The following CSMD1 variants were observed in gnomAD, a reference collection of about 807,000 sequenced individuals.
CSMD1 encodes the protein CUB and sushi domain-containing protein 1.
A neutral mutation model predicts 417.5 loss-of-function variants in CSMD1; 213 were observed. The observed-to-expected ratio is 0.51, with a 90% CI of 0.46 to 0.57. The LOEUF (loss-of-function observed/expected upper bound fraction) is 0.57, where lower values mean the gene tolerates loss of function less well. Among genes scored for constraint, CSMD1 ranks in the 20% least tolerant of loss-of-function variants. The probability of loss-of-function intolerance (pLI) is 0.00; values close to 1 mark genes in which losing one functional copy is unlikely to be tolerated. For missense variants in CSMD1, 6,923 were observed against 4,529.7 expected (o/e 1.53, Z -15.17); for synonymous variants, 2,862 against 1,736.8 (o/e 1.65, Z -16.11).
At chr8:3,557,377 A>G (rs1293303924) in intron 10 of CSMD1, among the ~76,000 whole-genome samples, 2 of 152,166 alleles carry the variant, frequency 1.3e-5, no homozygotes, top group Admixed American at 6.5e-5. Flanking sequence ...CATTATTACT[A>G]TCATTTATTC....
At chr8:4,854,621 G>A (rs976269506) in intron 1 of CSMD1, among the ~76,000 whole-genome samples, 5 of 152,170 alleles carry the variant, frequency 3.3e-5, no homozygotes, top group Non-Finnish European at 7.3e-5. Flanking sequence ...GGGTCAGGGA[G>A]TTCCCTTTCT....
chr8:4,383,648 G>A (rs947426152), intron 3 of CSMD1, among the ~76,000 whole-genome samples: 1 of 152,140 alleles, frequency 6.6e-6, no homozygotes, highest in Non-Finnish European at 1.5e-5. Flanking sequence ...GTACTTCAGT[G>A]TTCAGAGAAA....
intron 7 of CSMD1, among the ~76,000 whole-genome samples, chr8:3,681,850 C>T (rs1015357038): frequency 9.2e-5 from 14 of 152,056 alleles, no homozygotes; most frequent in Admixed American, 7.2e-4. Context: ...GAGATATAGA[C>T]CAATGGAACA....
At chr8:3,854,838 G>A (rs1804183066) in intron 5 of CSMD1, among the ~76,000 whole-genome samples, 1 of 151,850 alleles carries the variant, frequency 6.6e-6, no homozygotes, top group African/African-American at 2.4e-5. Flanking sequence ...ACAAAAACAG[G>A]GAATTGTTAA....
At chr8:3,533,596 A>C (rs1397437517) in intron 10 of CSMD1, among the ~76,000 whole-genome samples, 8 of 152,178 alleles carry the variant, frequency 5.3e-5, no homozygotes, top group African/African-American at 1.9e-4. Context: ...ATCTCAGGGA[A>C]GCCCTTGCTT....
At chr8:4,854,958 G>T (rs1350262698) in intron 1 of CSMD1, among the ~76,000 whole-genome samples, 1 of 152,206 alleles carries the variant, frequency 6.6e-6, no homozygotes, top group African/African-American at 2.4e-5. Context: ...ACCTCTGGGG[G>T]CAGGGCACAG....
At chr8:3,407,173 G>GGACA (rs1812396784) in intron 14 of CSMD1, among the ~76,000 whole-genome samples, 3 of 78,764 alleles carry the variant, frequency 3.8e-5, no homozygotes, top group Admixed American at 2.4e-4. Flanking sequence ...ATGGAAGGAT[G>GGACA]GATAATGGAA....
intron 3 of CSMD1, among the ~76,000 whole-genome samples, chr8:4,094,420 C>G (rs768914967): frequency 1.3e-5 from 2 of 152,010 alleles, no homozygotes; most frequent in African/African-American, 2.4e-5. Context: ...GCAGGGCGGT[C>G]AGGTGTGTGG....
chr8:3,776,337 G>C (rs1396481143), intron 5 of CSMD1, among the ~76,000 whole-genome samples: 1 of 152,088 alleles, frequency 6.6e-6, no homozygotes, highest in African/African-American at 2.4e-5. Context: ...GCACCTTGAA[G>C]CGACACTCTC....
intron 3 of CSMD1, among the ~76,000 whole-genome samples, chr8:4,282,750 G>A (rs1796857074): frequency 6.6e-6 from 1 of 152,108 alleles, no homozygotes; most frequent in Non-Finnish European, 1.5e-5. Flanking sequence ...GCAATAGTAT[G>A]TTTAAATGGT....
intron 5 of CSMD1, among the ~76,000 whole-genome samples, chr8:3,757,642 C>A (rs1340571015): frequency 6.6e-6 from 1 of 152,006 alleles, no homozygotes; most frequent in Non-Finnish European, 1.5e-5. Flanking sequence ...GTGGGTGGAT[C>A]ACCTGAGGTC....
chr8:4,008,214 G>T lies in CSMD1; in HGVS notation c.611-10104C>A, dbSNP rs193062599. On this transcript the variant is annotated intron_variant, in intron 4 of 69. Transcript: ENST00000635120. ...AGGGCAGCTGGAAAAATTAGTTCAA[G>T]TTCCATCAAGTTCAAGTTTAACTTA... 6.9e-3 allele frequency among the ~76,000 whole-genome samples: 1,048 copies of T among 152,062 alleles called. 7 individuals carry two copies. The highest frequency in any genetic ancestry group is 1.0e-2 in the Non-Finnish European group (678 of 68,012).
At chr8:2,979,638 G>C (rs987075795) in intron 54 of CSMD1, among the ~76,000 whole-genome samples, 5 of 152,190 alleles carry the variant, frequency 3.3e-5, no homozygotes, top group African/African-American at 1.2e-4. Context: ...CACATCATGA[G>C]TCCCAGAAGC....
At chr8:3,686,047 T>C (rs1204836260) in intron 7 of CSMD1, among the ~76,000 whole-genome samples, 2 of 152,104 alleles carry the variant, frequency 1.3e-5, no homozygotes, top group African/African-American at 4.8e-5. Flanking sequence ...CAATGCTCCT[T>C]GCCCCCACCC....
In CSMD1 at chr8:2,938,318, G is replaced by C. The variant is rs1801635180; in HGVS notation, c.*267C>G. The C allele has an allele frequency of 2.6e-6, 1 of 390,900 alleles. No homozygotes were observed. Among genetic ancestry groups the C allele is most frequent in the Non-Finnish European group, 4.5e-6 (1 of 220,238 alleles). 24.2% of individuals were successfully genotyped at this position (390,900 alleles called of 1,614,324 possible). ...TATGACGTGTTGGCGCGACGTGGCAGTCTTCCTGGAGTGTGCCTTGATTTC... is the reference window on the plus strand; with the variant it reads ...TATGACGTGTTGGCGCGACGTGGCACTCTTCCTGGAGTGTGCCTTGATTTC... On this transcript the variant is annotated 3_prime_UTR_variant, in exon 70 of 70. Coordinates refer to ENST00000635120, the MANE Select transcript of CSMD1 (RefSeq NM_033225.6).
chr8:3,750,561 T>C (rs961888742), intron 6 of CSMD1, among the ~76,000 whole-genome samples: 1 of 152,208 alleles, frequency 6.6e-6, no homozygotes, highest in Non-Finnish European at 1.5e-5. Flanking sequence ...CCTTCTTTAA[T>C]GTATTTAGTT....
At chr8:3,567,404 C>T (rs1482185046) in intron 10 of CSMD1, among the ~76,000 whole-genome samples, 9 of 150,782 alleles carry the variant, frequency 6.0e-5, no homozygotes, top group Admixed American at 4.0e-4. Flanking sequence ...CATGTGTATC[C>T]CTTAACCTAA....
intron 3 of CSMD1, among the ~76,000 whole-genome samples, chr8:4,064,089 C>T (rs962261038): frequency 6.6e-6 from 1 of 152,224 alleles, no homozygotes; most frequent in Non-Finnish European, 1.5e-5. Flanking sequence ...ATGTGAAATG[C>T]GAATCTACTC....
intron 1 of CSMD1, among the ~76,000 whole-genome samples, chr8:4,865,622 C>A (rs541599325): frequency 6.6e-6 from 1 of 151,818 alleles, no homozygotes; most frequent in East Asian, 1.9e-4. Flanking sequence ...TCCATTTTTA[C>A]GAAGATCTAA....
Sources: allele counts gnomAD v4.1 joint callset (sites outside exome capture counted in the v4.1 genomes callset), GRCh38; gene constraint gnomAD v4.1.1; transcripts MANE v1.5; gene names NCBI Gene and HGNC (gene_info 2026-07-23, HGNC 2026-07-21).